The following ANKRD17 variants were observed in gnomAD, a reference collection of about 807,000 sequenced individuals.
ANKRD17 encodes the protein ankyrin repeat domain-containing protein 17.
In ANKRD17, 19 loss-of-function variants were observed where a neutral mutation model predicts 229.7. The observed-to-expected ratio is 0.08, with a 90% CI of 0.06 to 0.12. The LOEUF (loss-of-function observed/expected upper bound fraction) is 0.12, where lower values mean the gene tolerates loss of function less well. Among genes scored for constraint, ANKRD17 ranks in the 10% least tolerant of loss-of-function variants. The pLI, the probability that ANKRD17 is intolerant of heterozygous loss-of-function variation, is 1.00. For missense variants in ANKRD17, 2,176 were observed against 3,176.8 expected, an observed-to-expected ratio of 0.68 and a Z score of 7.57; for synonymous variants, 1,112 against 1,146.1, an observed-to-expected ratio of 0.97 and a Z score of 0.60.
intron 31 of ANKRD17, among the ~76,000 whole-genome samples, chr4:73,078,093 T>C (rs1254477874): frequency 2.6e-5 from 4 of 151,910 alleles, no homozygotes; most frequent in Non-Finnish European, 5.9e-5. Context: ...CTACTAAAAA[T>C]ACAGGCGGGG....
At chr4:73,240,800 C>T (rs1365555374) in intron 1 of ANKRD17, among the ~76,000 whole-genome samples, 2 of 148,410 alleles carry the variant, frequency 1.3e-5, no homozygotes, top group Non-Finnish European at 3.0e-5. Flanking sequence ...AAATTCAGTA[C>T]TTATTCTTTT....
At chr4:73,147,487 T>G (rs541452363) in intron 8 of ANKRD17, 55 bp from the exon 9 acceptor site, 3 of 1,304,024 alleles carry the variant, frequency 2.3e-6, no homozygotes, top group East Asian at 2.6e-5. Flanking sequence ...TCCAGAGATA[T>G]GAAAAACATG....
At chr4:73,097,593 T>C (rs1203330350) in intron 26 of ANKRD17, among the ~76,000 whole-genome samples, 1 of 151,910 alleles carries the variant, frequency 6.6e-6, no homozygotes, top group Non-Finnish European at 1.5e-5. Flanking sequence ...TGCCATCACA[T>C]TGGCTAATTA....
chr4:73,116,710 C>T (rs1468054999), intron 22 of ANKRD17, among the ~76,000 whole-genome samples: 1 of 152,070 alleles, frequency 6.6e-6, no homozygotes, highest in African/African-American at 2.4e-5. Context: ...TTACATGGGA[C>T]AACTCAAACA....
intron 18 of ANKRD17, among the ~76,000 whole-genome samples, chr4:73,124,682 G>A (rs886926622): frequency 1.6e-4 from 24 of 152,236 alleles, no homozygotes; most frequent in Non-Finnish European, 3.4e-4. Flanking sequence ...TACCGTAAAT[G>A]CATGGCATTC....
chr4:73,210,004 G>A (rs1408101803), intron 1 of ANKRD17, among the ~76,000 whole-genome samples: 1 of 152,074 alleles, frequency 6.6e-6, no homozygotes, highest in Non-Finnish European at 1.5e-5. Flanking sequence ...GTGAAAGACT[G>A]AATACTTATC....
At chr4:73,093,409 C>T (rs921056077) in intron 28 of ANKRD17, among the ~76,000 whole-genome samples, 19 of 119,034 alleles carry the variant, frequency 1.6e-4, no homozygotes, top group African/African-American at 3.9e-4. Context: ...GGGAGTTTCA[C>T]TCTTGTTGCC....
intron 31 of ANKRD17, among the ~76,000 whole-genome samples, chr4:73,077,817 A>G (rs1440639006): frequency 6.6e-6 from 1 of 152,250 alleles, no homozygotes; most frequent in African/African-American, 2.4e-5. Context: ...TGAAAGGAAG[A>G]AAAGAACATG....
chr4:73,177,360 T>G lies in ANKRD17; in HGVS notation c.547+20A>C. 1 of 1,508,186 alleles carries G rather than the reference T, an allele frequency of 6.6e-7. No homozygotes were observed. The highest frequency in any genetic ancestry group is 1.4e-5 in the South Asian group (1 of 71,462). The allele number at this position is 1,508,186 out of a possible 1,614,324, so 93.4% of individuals were successfully genotyped here. A position where few individuals can be genotyped will look rare whatever the true frequency, so the allele number is the denominator to read the frequency against. On this transcript the variant is annotated intron_variant, in intron 2 of 33. Transcript: ENST00000358602. ...AACTTTACATAACAAGGTAGACTTA[T>G]TACTATGTAGAGTACATACCTGCAG...
chr4:73,090,684 G>C lies in ANKRD17; in HGVS notation c.6944C>G (p.Pro2315Arg), dbSNP rs1409447616. 2 of 1,614,064 alleles carry C rather than the reference G, an allele frequency of 1.2e-6. No homozygotes were observed. ...APGFRPPLQR[P>R]APSPSGIVNM... ...AAACTCACCTGAGGGACTTGGAGCA[G>C]GTCTCTGTAATGGTGGTCTAAAACC... is the stretch of plus-strand genomic sequence containing the variant. Residue 2315 changes from proline to arginine, a missense_variant, in exon 29 of 34, where the codon CCT (proline) becomes CGT (arginine). Transcript: ENST00000358602.
intron 1 of ANKRD17, among the ~76,000 whole-genome samples, chr4:73,203,853 C>T (rs1355826352): frequency 1.3e-5 from 2 of 150,852 alleles, no homozygotes; most frequent in Non-Finnish European, 3.0e-5. Flanking sequence ...ATACGTTCCA[C>T]AGTCTTCAAG....
At position 73,155,761 on chromosome 4, in the gene ANKRD17, A is replaced by G; in HGVS notation, c.870T>C (p.His290=). 1 of 1,614,018 alleles carries G rather than the reference A, an allele frequency of 6.2e-7. No individual in the cohort carries two copies. The highest frequency in any genetic ancestry group is 1.3e-5 in the African/African-American group (1 of 75,040). The change falls in exon 5 of 34, where the codon CAT becomes CAC. Residue 290 remains histidine, a synonymous_variant. Coordinates refer to ENST00000358602, the MANE Select transcript of ANKRD17 (RefSeq NM_032217.5). ...TGATTCCCCTATCTTCCACATTTGC[A>G]TGCATTGCCAACAAAACCTTATGAG... is the stretch of plus-strand genomic sequence containing the variant. ...YELAQVLLAM[H]ANVEDRGIKG...
rs78248873 is a variant in ANKRD17, at chr4:73,122,962, G to T, written c.3493-1203C>A. Among the ~76,000 whole-genome samples the T allele has an allele frequency of 1.4e-4, 21 of 152,048 alleles. No homozygotes were observed. The East Asian group carries it at 4.1e-3, about 29-fold the overall frequency. ...AAATGTATGATTTTTATAGTAAAAT[G>T]ACTTTCCAACATTTTATTAATCACT... On this transcript the variant is annotated intron_variant, in intron 18 of 33. Transcript: ENST00000358602.
chr4:73,087,277 G>T (rs1218064406), intron 29 of ANKRD17, among the ~76,000 whole-genome samples: 1 of 151,762 alleles, frequency 6.6e-6, no homozygotes, highest in Non-Finnish European at 1.5e-5. Context: ...TAGAGGCAAG[G>T]TCTCACAATG....
chr4:73,147,114 G>A, intron 9 of ANKRD17, 127 bp downstream of exon 9: 2 of 894,032 alleles, frequency 2.2e-6, no homozygotes, highest in Non-Finnish European at 3.3e-6. Flanking sequence ...TACATACAAA[G>A]GTATATCACA....
At chr4:73,080,591 AC>A (rs1443784400) in intron 30 of ANKRD17, 1 of 152,204 alleles carries the variant, frequency 6.6e-6, no homozygotes, top group Non-Finnish European at 1.5e-5. Context: ...GAAAGGCCAC[AC>A]CTAAACCTCT....
At position 73,139,991 on chromosome 4, in the gene ANKRD17, C is replaced by T. The variant is rs752013046; in HGVS notation, c.2625G>A (p.Glu875=). 64 of 1,614,048 alleles carry T rather than the reference C, an allele frequency of 4.0e-5. No homozygotes were observed. The highest frequency in any genetic ancestry group is 5.1e-5 in the Non-Finnish European group (60 of 1,180,046). The change falls in exon 15 of 34, where the codon GAG becomes GAA. Residue 875 remains glutamate (E), a synonymous_variant. Coordinates refer to ENST00000358602, the MANE Select transcript of ANKRD17 (RefSeq NM_032217.5). Reference sequence around the variant, plus strand: ...GCTGCTGCTGAGTTTTCAGTTGTAACTCTCGTTCTACTTTCTGTAGTTCCT... The same window carrying T: ...GCTGCTGCTGAGTTTTCAGTTGTAATTCTCGTTCTACTTTCTGTAGTTCCT... ...ILEELQKVER[E]LQLKTQQQLK...
intron 2 of ANKRD17, among the ~76,000 whole-genome samples, chr4:73,174,701 T>C (rs919990929): frequency 1.3e-4 from 20 of 152,138 alleles, no homozygotes; most frequent in Non-Finnish European, 2.5e-4. Flanking sequence ...AAAAAAACTA[T>C]TAAAACTGAT....
At chr4:73,077,213 G>A in intron 32 of ANKRD17, 109 bp from the exon 33 acceptor site, 1 of 1,338,460 alleles carries the variant, frequency 7.5e-7, no homozygotes. Context: ...TCCTGGGAAT[G>A]TGTAACTTAT....
Sources: gnomAD v4.1 joint callset for allele counts (sites outside exome capture counted in the v4.1 genomes callset) on GRCh38, gnomAD v4.1.1 for gene constraint, MANE v1.5 for transcripts, NCBI Gene and HGNC (gene_info 2026-07-23, HGNC 2026-07-21) for gene names.